The following KLF12 variants were observed in gnomAD, a reference collection of about 807,000 sequenced individuals.
KLF12 encodes the protein KLF transcription factor 12, also known as Krueppel-like factor 12.
KLF12 carries 9 observed loss-of-function variants against 37.8 expected under a neutral mutation model. That is an observed-to-expected ratio of 0.24 (90% CI 0.14 to 0.42). KLF12 has a LOEUF of 0.42. Ranked by LOEUF, KLF12 falls within the 10% of genes least tolerant of loss-of-function variation. The probability of loss-of-function intolerance (pLI) is 1.00; values close to 1 mark genes in which losing one functional copy is unlikely to be tolerated. For missense variants in KLF12, 411 were observed against 516.0 expected, an observed-to-expected ratio of 0.80 and a Z score of 1.97; for synonymous variants, 208 against 202.1, an observed-to-expected ratio of 1.03 and a Z score of -0.25.
At chr13:74,260,969 T>C in the KLF12 span, among the ~76,000 whole-genome samples, 1 of 152,146 alleles carries the variant, frequency 6.6e-6, no homozygotes, top group Non-Finnish European at 1.5e-5. Context: ...AAGGATACAC[T>C]GGACTTTGGG....
chr13:74,271,010 G>A, the KLF12 span, among the ~76,000 whole-genome samples: 4 of 152,248 alleles, frequency 2.6e-5, no homozygotes, highest in South Asian at 4.1e-4. Context: ...GGAGGTGAGC[G>A]GTGGGTGAGT....
chr13:74,143,288 C>T, the KLF12 span, among the ~76,000 whole-genome samples: 1 of 126,042 alleles, frequency 7.9e-6, no homozygotes, highest in African/African-American at 2.9e-5. Flanking sequence ...CTGGTTTTTA[C>T]ATTTTATCCA....
At chr13:74,206,575 C>T in the KLF12 span, among the ~76,000 whole-genome samples, 2 of 152,122 alleles carry the variant, frequency 1.3e-5, no homozygotes, top group South Asian at 2.1e-4. Flanking sequence ...CACTTTATCC[C>T]TTTCCTTCAT....
chr13:73,919,622 T>A (rs1349103992), intron 3 of KLF12, among the ~76,000 whole-genome samples: 1 of 152,234 alleles, frequency 6.6e-6, no homozygotes, highest in African/African-American at 2.4e-5. Flanking sequence ...TGCTGTTTAT[T>A]GTTGCATTTC....
At chr13:74,218,327 T>A in the KLF12 span, among the ~76,000 whole-genome samples, 2 of 151,984 alleles carry the variant, frequency 1.3e-5, no homozygotes, top group African/African-American at 4.8e-5. Flanking sequence ...GAAAAGGGAG[T>A]GCCGAGAAAT....
intron 5 of KLF12, among the ~76,000 whole-genome samples, chr13:73,787,413 T>C (rs568969949): frequency 6.6e-6 from 1 of 152,188 alleles, no homozygotes. Context: ...TAAAATATAG[T>C]CCCTTTCACA....
At chr13:74,063,104 C>CTA (rs2138659949) in intron 1 of KLF12, among the ~76,000 whole-genome samples, 2 of 152,324 alleles carry the variant, frequency 1.3e-5, no homozygotes, top group South Asian at 4.1e-4. Flanking sequence ...TGCCTCGGTG[C>CTA]ACCATGTCAG....
intron 4 of KLF12, among the ~76,000 whole-genome samples, chr13:73,818,919 A>C (rs894563340): frequency 6.6e-6 from 1 of 152,220 alleles, no homozygotes; most frequent in African/African-American, 2.4e-5. Flanking sequence ...AACATGTCCC[A>C]GTTAGAGAAA....
At chr13:74,287,498 C>G in the KLF12 span, among the ~76,000 whole-genome samples, 2 of 152,056 alleles carry the variant, frequency 1.3e-5, no homozygotes, top group African/African-American at 4.8e-5. Context: ...ATGTTTTGTT[C>G]AAGCACAAAC....
At chr13:74,191,427 T>C in the KLF12 span, among the ~76,000 whole-genome samples, 6 of 152,354 alleles carry the variant, frequency 3.9e-5, no homozygotes, top group Admixed American at 1.3e-4. Flanking sequence ...ATTTATTTTC[T>C]TTCACTTATA....
intron 1 of KLF12, among the ~76,000 whole-genome samples, chr13:74,030,374 C>T (rs1893083323): frequency 6.6e-6 from 1 of 152,124 alleles, no homozygotes. Context: ...CACGTTATTG[C>T]CTCTCTTTTC....
At chr13:73,977,554 T>C (rs9600207) in intron 2 of KLF12, among the ~76,000 whole-genome samples, 7,368 of 152,274 alleles carry the variant, frequency 0.048, 381 homozygotes, top group African/African-American at 0.13. Context: ...ATGAATAGGA[T>C]TGAATGACAA....
chr13:74,293,656 G>A, the KLF12 span, among the ~76,000 whole-genome samples: 3 of 152,022 alleles, frequency 2.0e-5, no homozygotes, highest in South Asian at 2.1e-4. Context: ...TCCAGCTTAC[G>A]TAAGCATTAT....
chr13:74,154,191 C>A, the KLF12 span, among the ~76,000 whole-genome samples: 1 of 151,588 alleles, frequency 6.6e-6, no homozygotes, highest in South Asian at 2.1e-4. Flanking sequence ...GCCGAGATCA[C>A]ACCACTGTAC....
Position 73,899,875 on chromosome 13 carries a change from G to T in KLF12, c.123+44106C>A, listed in dbSNP as rs141319261. Among the ~76,000 whole-genome samples the T allele has an allele frequency of 8.4e-3, 1,285 of 152,190 alleles. 11 individuals carry two copies. The highest frequency in any genetic ancestry group is 0.029 in the African/African-American group (1,184 of 41,510). ...AACTTACCTGGTTCTCCAGCTTGCA[G>T]ACAGCCTACTATGAGACTTCACAGC... On this transcript the variant is annotated intron_variant, in intron 3 of 7. Transcript: ENST00000377669.
intron 1 of KLF12, among the ~76,000 whole-genome samples, chr13:74,131,482 G>C (rs2139030479): frequency 6.6e-6 from 1 of 152,316 alleles, no homozygotes; most frequent in African/African-American, 2.4e-5. Flanking sequence ...TAAGGTCAAG[G>C]TCTCAAATGC....
intron 3 of KLF12, among the ~76,000 whole-genome samples, chr13:73,893,886 G>A (rs1887631889): frequency 6.6e-6 from 1 of 152,102 alleles, no homozygotes; most frequent in Non-Finnish European, 1.5e-5. Context: ...ATTAGCAAGA[G>A]CAAATCCAAA....
rs1555336628 is a variant in KLF12 at position 74,060,492 on chromosome 13, G to GTGTGTGTGTGTGTGTGCGTC, written c.-31-65440_-31-65439insGACGCACACACACACACACA. Among the ~76,000 whole-genome samples the GTGTGTGTGTGTGTGTGCGTC allele has an allele frequency of 6.5e-3, 675 of 103,226 alleles. 11 individuals are homozygous for GTGTGTGTGTGTGTGTGCGTC. The highest frequency in any genetic ancestry group is 0.021 in the African/African-American group (630 of 30,670). The allele number at this position is 103,226 out of a possible 152,430, so 67.7% of individuals were successfully genotyped here. ...AAATGTATACCTAGGTTTTGTGTGT[G>GTGTGTGTGTGTGTGTGCGTC]TGTGTGTGTGTGTGTGTGTGTGTGT... On this transcript the variant is annotated intron_variant, in intron 1 of 7. Transcript: ENST00000377669.
At chr13:73,785,560 T>C (rs1477326521) in intron 5 of KLF12, among the ~76,000 whole-genome samples, 2 of 152,158 alleles carry the variant, frequency 1.3e-5, no homozygotes, top group Non-Finnish European at 2.9e-5. Context: ...CCACTATTAA[T>C]ACAAACTCAA....
Sources: gnomAD v4.1 joint callset for allele counts (sites outside exome capture counted in the v4.1 genomes callset) on GRCh38, gnomAD v4.1.1 for gene constraint, MANE v1.5 for transcripts, NCBI Gene and HGNC (gene_info 2026-07-23, HGNC 2026-07-21) for gene names.